Variants in COL7A1 observed in about 807,000 individuals in gnomAD.
COL7A1 encodes collagen type VII alpha 1 chain.
COL7A1 carries 296 observed loss-of-function variants against 456.2 expected under a neutral mutation model. That is an observed-to-expected ratio of 0.65 (90% CI 0.59 to 0.71). The LOEUF (loss-of-function observed/expected upper bound fraction) is 0.71. Among genes scored for constraint, COL7A1 ranks in the 30% least tolerant of loss-of-function variants. COL7A1 has a pLI of 0.00. For missense variants in COL7A1, 3,441 were observed against 4,017.2 expected, an observed-to-expected ratio of 0.86 and a Z score of 3.88; for synonymous variants, 1,464 against 1,525.9, an observed-to-expected ratio of 0.96 and a Z score of 0.95.
At position 48,593,158 on chromosome 3, in the gene COL7A1, G is replaced by A. The variant is rs1162058411; in HGVS notation, c.626C>T (p.Pro209Leu). Residue 209 changes from proline (P) to leucine (L), a missense_variant, in exon 6 of 119, where the codon CCC becomes CTC. Pro to Leu is a moderately conservative substitution (Grantham distance 98, BLOSUM62 -3). Coordinates refer to ENST00000681320, the MANE Select transcript of COL7A1 (RefSeq NM_000094.4). The surrounding 1 kb of genome is among the most constrained non-coding windows in gnomAD (Gnocchi z 4.4). ...NDFSILRTLL[P>L]LVSRRVCTTA... ...CGTGCACACTCTCCGGGAAACGAGG[G>A]GCAGTAGTGTCCTCAAGATGCTGAA... is the stretch of plus-strand genomic sequence containing the variant. 6.2e-7 allele frequency: 1 copy of A among 1,614,006 alleles called. No homozygotes were observed. The highest frequency in any genetic ancestry group is 2.2e-5 in the East Asian group (1 of 44,892).
Position 48,567,374 on chromosome 3 carries a change from G to T in COL7A1, c.8047-184C>A, listed in dbSNP as rs2043653544. The stretch of plus-strand genomic sequence containing the variant: ...TATAGCCCCCTGCCCTGATGCACAT[G>T]CCCCCTCCACCTCCCATGCTTTCAT... On this transcript the variant is annotated intron_variant, in intron 109 of 118. Coordinates refer to ENST00000681320, the MANE Select transcript of COL7A1 (RefSeq NM_000094.4). The surrounding 1 kb of genome is among the most constrained non-coding windows in gnomAD (Gnocchi z 4.3). The T allele has an allele frequency of 6.6e-5, 61 of 921,390 alleles. No individual in the cohort carries two copies. The South Asian group carries it at 8.5e-4, about 13-fold the overall frequency. 57.1% of individuals were successfully genotyped at this position (921,390 alleles called of 1,614,324 possible).
In COL7A1 at chr3:48,587,970, G is replaced by A. The variant is rs1160928162; in HGVS notation, c.2711-31C>T. On this transcript the variant is annotated intron_variant, in intron 21 of 118. Transcript: ENST00000681320. This position sits in a 1 kb window ranked among gnomAD's most constrained non-coding sequence, Gnocchi z 6.1. ...GCAGGCGTGAGGGTGGGGGCCAAGAGCATGTGGGATAGTGACACCTGGGGG... is the reference window on the plus strand; with the variant it reads ...GCAGGCGTGAGGGTGGGGGCCAAGAACATGTGGGATAGTGACACCTGGGGG... 3.2e-6 allele frequency: 5 copies of A among 1,561,992 alleles called. No homozygotes were observed. Among genetic ancestry groups the A allele is most frequent in the Admixed American group, 1.9e-5 (1 of 52,694 alleles).
At position 48,578,875 on chromosome 3, in the gene COL7A1, C is replaced by A. The variant is rs763357369; in HGVS notation, c.5424+44G>T. 22 of 1,591,502 alleles carry A rather than the reference C, an allele frequency of 1.4e-5. No homozygotes were observed. The highest frequency in any genetic ancestry group is 1.9e-5 in the Non-Finnish European group (22 of 1,167,942). On this transcript the variant is annotated intron_variant, in intron 63 of 118. Transcript: ENST00000681320. This position sits in a 1 kb window ranked among gnomAD's most constrained non-coding sequence, Gnocchi z 4.7. ...ACTATGATGATCTGGTTGGAGCTTA[C>A]GCAGCCCCGAGCCCCCTCTGTCCCA...
In COL7A1 at chr3:48,571,858, G is replaced by A; in HGVS notation, c.7068+143C>T. The stretch of plus-strand genomic sequence containing the variant: ...AAGCCGACAGTGTGTGGCTCCCTGT[G>A]ATCCAGAGAGCAGGCTCCTGGATGT... On this transcript the variant is annotated intron_variant, in intron 92 of 118. Transcript: ENST00000681320. The surrounding 1 kb of genome is among the most constrained non-coding windows in gnomAD (Gnocchi z 4.6). 3.0e-6 allele frequency: 3 copies of A among 1,009,590 alleles called. No homozygotes were observed. The highest frequency in any genetic ancestry group is 4.5e-6 in the Non-Finnish European group (3 of 667,358). 62.5% of individuals were successfully genotyped at this position (1,009,590 alleles called of 1,614,324 possible).
chr3:48,575,284 T>TTGCCCCCCC lies in COL7A1; in HGVS notation c.6181-43_6181-42insGGGGGGGCA. 6 of 1,533,288 alleles carry TTGCCCCCCC rather than the reference T, an allele frequency of 3.9e-6. No homozygotes were observed. The highest frequency in any genetic ancestry group is 5.4e-6 in the Non-Finnish European group (6 of 1,110,688). 95.0% of individuals were successfully genotyped at this position (1,533,288 alleles called of 1,614,324 possible). A position where few individuals can be genotyped will look rare whatever the true frequency, so the allele number is the denominator to read the frequency against. On this transcript the variant is annotated intron_variant, in intron 74 of 118. Coordinates refer to ENST00000681320, the MANE Select transcript of COL7A1 (RefSeq NM_000094.4). This position sits in a 1 kb window ranked among gnomAD's most constrained non-coding sequence, Gnocchi z 6.3. ...GGGTGAGGGCCAAGCCCATGGGGGG[T>TTGCCCCCCC]CCCACCCCTCCCAACCCCTCTTCCC...
chr3:48,584,838 C>T, intron 34 of COL7A1, 69 bp from the exon 35 acceptor site: 1 of 1,613,758 alleles, frequency 6.2e-7, no homozygotes, highest in Non-Finnish European at 8.5e-7. Flanking sequence ...ACTGCACCAC[C>T]ACCCCAGGCT....
chr3:48,565,397 C>G lies in COL7A1; in HGVS notation c.8527+13G>C. ...CCCACCCATAGCTGCCCCACGGGTT[C>G]AGCTGTCCTCACCTTCCTCCTCTGC... On this transcript the variant is annotated intron_variant, in intron 116 of 118. Coordinates refer to ENST00000681320, the MANE Select transcript of COL7A1 (RefSeq NM_000094.4). This position sits in a 1 kb window ranked among gnomAD's most constrained non-coding sequence, Gnocchi z 4.5. The G allele has an allele frequency of 6.2e-7, 1 of 1,600,614 alleles. No homozygotes were observed. The highest frequency in any genetic ancestry group is 1.1e-5 in the South Asian group (1 of 89,352).
chr3:48,572,584 C>A lies in COL7A1; in HGVS notation c.6901-46G>T. On this transcript the variant is annotated intron_variant, in intron 88 of 118. Transcript: ENST00000681320. This position sits in a 1 kb window ranked among gnomAD's most constrained non-coding sequence, Gnocchi z 4.6. ...TTTCCTCCTCCTCCCCCGCCCCCAC[C>A]CTGCCACCCCCATGGCATTTGGAAA... The A allele has an allele frequency of 3.1e-6, 5 of 1,609,492 alleles. No homozygotes were observed. Among genetic ancestry groups the A allele is most frequent in the Non-Finnish European group, 4.2e-6 (5 of 1,177,738 alleles).
rs767051948 is a variant in COL7A1, at chr3:48,564,798, G to A, written c.8803C>T (p.Gln2935Ter). ...CAGCCCATACCTGTCCCCTGGCTCTGGACCACCCGGGGTGGGCAGCGGCGC... is the reference window on the plus strand; with the variant it reads ...CAGCCCATACCTGTCCCCTGGCTCTAGACCACCCGGGGTGGGCAGCGGCGC... ...CERRCPPRVV[Q>*]SQGTGTAQD is the part of the protein sequence containing the mutation. Residue 2935 changes from glutamine (Q) to a stop codon, truncating the protein, a stop_gained, in exon 118 of 119, where the codon CAG (glutamine) becomes TAG (stop). Coordinates refer to ENST00000681320, the MANE Select transcript of COL7A1 (RefSeq NM_000094.4). LOFTEE classifies it high-confidence loss of function. This position sits in a 1 kb window ranked among gnomAD's most constrained non-coding sequence, Gnocchi z 6.0. 2.9e-5 allele frequency: 47 copies of A among 1,613,704 alleles called. No individual in the cohort carries two copies. In the South Asian group the frequency reaches 4.8e-4, roughly 17 times the overall value.
chr3:48,566,404 G>A lies in COL7A1; in HGVS notation c.8359-89C>T. The A allele has an allele frequency of 6.2e-7, 1 of 1,605,118 alleles. No homozygotes were observed. The highest frequency in any genetic ancestry group is 1.1e-5 in the South Asian group (1 of 90,734). On this transcript the variant is annotated intron_variant, in intron 113 of 118. Coordinates refer to ENST00000681320, the MANE Select transcript of COL7A1 (RefSeq NM_000094.4). This position sits in a 1 kb window ranked among gnomAD's most constrained non-coding sequence, Gnocchi z 5.9. The stretch of plus-strand genomic sequence containing the variant: ...ATAATACAGGGACTATGGTGAGACT[G>A]CATGGAGCCAGGGCCCAGGGGTCAG...
Position 48,584,438 on chromosome 3 carries a change from T to C in COL7A1, c.4119+47A>G, listed in dbSNP as rs778689285. Reference sequence around the variant, plus strand: ...GACCTCACTCTCGCCCCCCTCGTGTTGGTCCCCCCACTACACATCACTTGC... The same window carrying C: ...GACCTCACTCTCGCCCCCCTCGTGTCGGTCCCCCCACTACACATCACTTGC... On this transcript the variant is annotated intron_variant, in intron 36 of 118. Transcript: ENST00000681320. 3.1e-6 allele frequency: 5 copies of C among 1,613,324 alleles called. No homozygotes were observed. The Admixed American group carries it at 5.0e-5, about 16-fold the overall frequency.
rs139566877 is a variant in COL7A1 at position 48,566,724 on chromosome 3, G to A, written c.8240C>T (p.Pro2747Leu). 3.2e-4 allele frequency: 517 copies of A among 1,613,672 alleles called. No individual in the cohort carries two copies. The highest frequency in any genetic ancestry group is 4.3e-4 in the Non-Finnish European group (506 of 1,179,920). ...GLQGQKGERG[P>L]PGERVVGAPG... ...AGCCCCCACCACTCTCTCTCCGGGG[G>A]GACCTCGCTCACCCTGTCAGACACA... The change falls in exon 112 of 119, where the codon CCC (proline) becomes CTC (leucine). Residue 2747 changes from proline to leucine, a missense_variant. Around this residue, in one of 3 missense-constraint regions of COL7A1, gnomAD observed 2,084 missense variants for 2,501.3 expected, o/e 0.83. Transcript: ENST00000681320. The surrounding 1 kb of genome is among the most constrained non-coding windows in gnomAD (Gnocchi z 5.9).
Position 48,579,475 on chromosome 3 carries a change from C to T in COL7A1, c.5271+5G>A, listed in dbSNP as rs1175422802. 1 of 1,614,164 alleles carries T rather than the reference C, an allele frequency of 6.2e-7. No individual in the cohort carries two copies. Among genetic ancestry groups the T allele is most frequent in the Admixed American group, 1.7e-5 (1 of 60,030 alleles). On this transcript the variant is annotated splice_donor_5th_base_variant and intron_variant, in intron 60 of 118. Transcript: ENST00000681320. This position sits in a 1 kb window ranked among gnomAD's most constrained non-coding sequence, Gnocchi z 4.4. ...TTGGCAGACGGGGCAAAGTGCATCA[C>T]TCACCTGTGGGCCTGGGGGTCCCCG...
Position 48,569,928 on chromosome 3 carries a change from AGGT to A in COL7A1, c.7486-16_7486-14del, listed in dbSNP as rs769976117. 20 of 1,613,634 alleles carry A rather than the reference AGGT, an allele frequency of 1.2e-5. No homozygotes were observed. The highest frequency in any genetic ancestry group is 1.7e-5 in the Non-Finnish European group (20 of 1,179,904). On this transcript the variant is annotated splice_polypyrimidine_tract_variant and intron_variant, in intron 99 of 118. Transcript: ENST00000681320. The surrounding 1 kb of genome is among the most constrained non-coding windows in gnomAD (Gnocchi z 4.9). ...TGCCAGGGGGCCCCTGTGTGAGAGA[AGGT>A]GACCGTGAGCTACAGGAACCAGGGC...
At position 48,590,874 on chromosome 3, in the gene COL7A1, G is replaced by A. The variant is rs1339003797; in HGVS notation, c.1637-58C>T. 13 of 1,483,894 alleles carry A rather than the reference G, an allele frequency of 8.8e-6. No individual in the cohort carries two copies. Among genetic ancestry groups the A allele is most frequent in the East Asian group, 5.3e-5 (2 of 37,874 alleles). 91.9% of individuals were successfully genotyped at this position (1,483,894 alleles called of 1,614,324 possible). A position where few individuals can be genotyped will look rare whatever the true frequency, so the allele number is the denominator to read the frequency against. On this transcript the variant is annotated intron_variant, in intron 13 of 118. Coordinates refer to ENST00000681320, the MANE Select transcript of COL7A1 (RefSeq NM_000094.4). This position sits in a 1 kb window ranked among gnomAD's most constrained non-coding sequence, Gnocchi z 4.6. ...TCAGAAAGAGACAGGGATGTGGGACGATGGCAGTGATGGACAGGGACGCAG... is the reference window on the plus strand; with the variant it reads ...TCAGAAAGAGACAGGGATGTGGGACAATGGCAGTGATGGACAGGGACGCAG...
chr3:48,586,684 G>A lies in COL7A1; in HGVS notation c.3282C>T (p.Gly1094=), dbSNP rs2045288957. 1.9e-6 allele frequency: 3 copies of A among 1,586,386 alleles called. No homozygotes were observed. The highest frequency in any genetic ancestry group is 2.6e-6 in the Non-Finnish European group (3 of 1,165,776). Residue 1094 remains glycine (G), a synonymous_variant, in exon 26 of 119, where the codon GGC becomes GGT. Transcript: ENST00000681320. This position sits in a 1 kb window ranked among gnomAD's most constrained non-coding sequence, Gnocchi z 5.1. ...GPLGPQAVQV[G]LLSYSHRPSP... ...AGGGCCGATGACTGTAAGACAGCAGGCCAACCTGGGGTGGAAGGAAACACA... is the reference window on the plus strand; with the variant it reads ...AGGGCCGATGACTGTAAGACAGCAGACCAACCTGGGGTGGAAGGAAACACA...
rs2043504485 is a variant in COL7A1, at chr3:48,564,166, G to A, written c.*240C>T. ...GGCGGGTCAGACGCCAGTCACATCC[G>A]CTCACTGCCCACAGCCACCCCCCCA... On this transcript the variant is annotated 3_prime_UTR_variant, in exon 119 of 119. Transcript: ENST00000681320. This position sits in a 1 kb window ranked among gnomAD's most constrained non-coding sequence, Gnocchi z 6.0. 3.3e-6 allele frequency: 2 copies of A among 608,516 alleles called. No individual in the cohort carries two copies. The highest frequency in any genetic ancestry group is 2.4e-5 in the Admixed American group (1 of 42,000). The allele number at this position is 608,516 out of a possible 1,614,324, so 37.7% of individuals were successfully genotyped here.
Position 48,585,156 on chromosome 3 carries a change from C to A in COL7A1, c.3895-40G>T. On this transcript the variant is annotated intron_variant, in intron 32 of 118. Transcript: ENST00000681320. This position sits in a 1 kb window ranked among gnomAD's most constrained non-coding sequence, Gnocchi z 4.5. Reference sequence around the variant, plus strand: ...AGGTCAGGACAGGAAGGGACCCTCCCCCAAGGCCCCTGGTTTGCTGGAGGG... The same window carrying A: ...AGGTCAGGACAGGAAGGGACCCTCCACCAAGGCCCCTGGTTTGCTGGAGGG... 1 of 1,598,972 alleles carries A rather than the reference C, an allele frequency of 6.3e-7. No homozygotes were observed. Among genetic ancestry groups the A allele is most frequent in the South Asian group, 1.1e-5 (1 of 90,104 alleles).
chr3:48,578,282 C>T lies in COL7A1; in HGVS notation c.5532+39G>A, dbSNP rs1249139534. 1 of 1,611,804 alleles carries T rather than the reference C, an allele frequency of 6.2e-7. No homozygotes were observed. The highest frequency in any genetic ancestry group is 8.5e-7 in the Non-Finnish European group (1 of 1,179,812). On this transcript the variant is annotated intron_variant, in intron 65 of 118. Transcript: ENST00000681320. This position sits in a 1 kb window ranked among gnomAD's most constrained non-coding sequence, Gnocchi z 4.7. ...TGGCTGTGTAGGTGTGCTGGCGTTT[C>T]TTGGCAGGTTTCGCCGCAGCTGCCC... is the stretch of plus-strand genomic sequence containing the variant.
Sources: gnomAD v4.1 joint callset for allele counts on GRCh38, gnomAD v4.1.1 for gene constraint, gnomAD v4.1.1 regional missense constraint, Gnocchi (gnomAD v3.1) non-coding constraint, MANE v1.5 for transcripts, NCBI Gene and HGNC (gene_info 2026-07-23, HGNC 2026-07-21) for gene names.